The following ABL1 variants were observed in gnomAD, a reference collection of about 807,000 sequenced individuals.
ABL1 encodes tyrosine-protein kinase ABL1.
A neutral mutation model predicts 94.7 loss-of-function variants in ABL1; 11 were observed. The observed-to-expected ratio is 0.12, with a 90% CI of 0.07 to 0.19. The LOEUF is 0.19. Ranked by LOEUF, ABL1 falls within the 10% of genes least tolerant of loss-of-function variation. The pLI, the probability that ABL1 is intolerant of heterozygous loss-of-function variation, is 1.00. For synonymous variants in ABL1, 656 were observed against 622.4 expected, an observed-to-expected ratio of 1.05 and a Z score of -0.80; for missense variants, 1,082 against 1,489.4, an observed-to-expected ratio of 0.73 and a Z score of 4.50.
chr9:130,857,487 A>T (rs1830992910), intron 3 of ABL1, among the ~76,000 whole-genome samples: 1 of 152,184 alleles, frequency 6.6e-6, no homozygotes, highest in Admixed American at 6.5e-5. Context: ...GAAATATACC[A>T]AGTGTATATG....
At chr9:130,864,111 T>G (rs1831118321) in intron 4 of ABL1, among the ~76,000 whole-genome samples, 2 of 152,178 alleles carry the variant, frequency 1.3e-5, no homozygotes, top group South Asian at 4.1e-4. Context: ...GATCACATTC[T>G]TTAGTCCTAG....
intron 1 of ABL1, among the ~76,000 whole-genome samples, chr9:130,762,303 T>C (rs566012111): frequency 6.6e-6 from 1 of 152,330 alleles, no homozygotes; most frequent in South Asian, 2.1e-4. Flanking sequence ...AGGCTGTTTT[T>C]GTTCATTTGC....
chr9:130,720,209 C>A (rs571988265), intron 1 of ABL1, among the ~76,000 whole-genome samples: 71 of 152,220 alleles, frequency 4.7e-4, no homozygotes, highest in African/African-American at 1.6e-3. Flanking sequence ...GGAGACACAT[C>A]ATAAATAAGC....
At chr9:130,848,944 A>G (rs1366808651) in intron 1 of ABL1, among the ~76,000 whole-genome samples, 1 of 150,282 alleles carries the variant, frequency 6.7e-6, no homozygotes, top group Non-Finnish European at 1.5e-5. Flanking sequence ...CGTCTCGAGA[A>G]AAAAAAAAAA....
Position 130,835,893 on chromosome 9 carries a change from C to G in ABL1, c.79+368C>G, listed in dbSNP as rs983155543. On this transcript the variant is annotated intron_variant, in intron 1 of 10. Transcript: ENST00000318560. The surrounding 1 kb of genome is among the most constrained non-coding windows in gnomAD (Gnocchi z 4.6). ...CGTCCGGGGCCCCACAGTGCGGGCT[C>G]CCCCGAAAAAGTTTGAGAAAGCCAA... 2.0e-5 allele frequency among the ~76,000 whole-genome samples: 3 copies of G among 152,214 alleles called. No homozygotes were observed. Among genetic ancestry groups the G allele is most frequent in the Non-Finnish European group, 4.4e-5 (3 of 68,042 alleles).
At chr9:130,713,484 A>G (rs1001287999) in exon 1 of ABL1, among the ~76,000 whole-genome samples, 2 of 145,992 alleles carry the variant, frequency 1.4e-5, no homozygotes, top group Admixed American at 1.4e-4. Context: ...AGCTTCCCTC[A>G]GCCCCAAGCC....
chr9:130,766,485 G>A (rs35315666), intron 1 of ABL1, among the ~76,000 whole-genome samples: 1,532 of 152,290 alleles, frequency 0.01, 19 homozygotes, highest in South Asian at 0.04. Flanking sequence ...AGTGTGCCCC[G>A]TGGTTAGGAA....
At chr9:130,815,770 C>G (rs1428110586) in intron 1 of ABL1, among the ~76,000 whole-genome samples, 1 of 152,112 alleles carries the variant, frequency 6.6e-6, no homozygotes, top group Non-Finnish European at 1.5e-5. Context: ...GCCTGTAATC[C>G]CAGCACTTTG....
intron 1 of ABL1, among the ~76,000 whole-genome samples, chr9:130,768,148 A>G (rs1832207387): frequency 1.3e-5 from 2 of 151,798 alleles, no homozygotes; most frequent in African/African-American, 4.8e-5. Flanking sequence ...CCCAACCCCC[A>G]TACACTCCTA....
chr9:130,855,138 G>T, intron 3 of ABL1, 42 bp downstream of exon 3: 1 of 1,565,292 alleles, frequency 6.4e-7, no homozygotes, highest in South Asian at 1.2e-5. Flanking sequence ...GCCCAGGGCA[G>T]GGGAACCAGA....
At chr9:130,716,831 A>C (rs1293836308) in intron 1 of ABL1, among the ~76,000 whole-genome samples, 1 of 151,728 alleles carries the variant, frequency 6.6e-6, no homozygotes, top group Non-Finnish European at 1.5e-5. Flanking sequence ...GCTCACTGCA[A>C]CCTCTGCCTC....
In ABL1 at chr9:130,763,988, A is replaced by G. The variant is rs185339142; in HGVS notation, c.136+49533A>G. 1.2e-4 allele frequency among the ~76,000 whole-genome samples: 18 copies of G among 152,234 alleles called. No homozygotes were observed. The East Asian group carries it at 2.9e-3, about 25-fold the overall frequency. ...GAACCTAACATAATGGGGGCAGGGA[A>G]CGGGCAGAAGAGGCTTCCCAGAGGA... On this transcript the variant is annotated intron_variant, in intron 1 of 10. Transcript: ENST00000372348.
intron 1 of ABL1, among the ~76,000 whole-genome samples, chr9:130,744,497 A>G (rs1831859815): frequency 6.6e-6 from 1 of 151,658 alleles, no homozygotes. Flanking sequence ...GGGGGAGACC[A>G]AGACTTTGAG....
intron 1 of ABL1, among the ~76,000 whole-genome samples, chr9:130,839,277 G>A (rs1830633963): frequency 6.6e-6 from 1 of 152,104 alleles, no homozygotes; most frequent in Admixed American, 6.6e-5. Flanking sequence ...CTTCTTTTCA[G>A]CAGCTAACTT....
chr9:130,754,328 G>A (rs1316460435), intron 1 of ABL1, among the ~76,000 whole-genome samples: 1 of 151,406 alleles, frequency 6.6e-6, no homozygotes, highest in Non-Finnish European at 1.5e-5. Flanking sequence ...CTAACATGGT[G>A]AAACCCCGTC....
rs1285533213 is a variant in ABL1 at position 130,841,538 on chromosome 9, G to A, written c.79+6013G>A. 3.9e-5 allele frequency among the ~76,000 whole-genome samples: 6 copies of A among 152,188 alleles called. No individual in the cohort carries two copies. In the Middle Eastern group the frequency reaches 0.01, roughly 259 times the overall value. The stretch of plus-strand genomic sequence containing the variant: ...CTAGAAATTGGTTTTCAGGCCGGGC[G>A]CGGTGGCTGACGCCTGTAATCCCAG... On this transcript the variant is annotated intron_variant, in intron 1 of 10. Coordinates refer to ENST00000318560, the MANE Select transcript of ABL1 (RefSeq NM_005157.6).
intron 1 of ABL1, among the ~76,000 whole-genome samples, chr9:130,839,706 C>T (rs1286739886): frequency 6.6e-6 from 1 of 152,218 alleles, no homozygotes; most frequent in Non-Finnish European, 1.5e-5. Flanking sequence ...TCTGTTCAGC[C>T]ACCTTAGAGG....
At chr9:130,720,024 T>C (rs929733812) in intron 1 of ABL1, among the ~76,000 whole-genome samples, 1 of 152,090 alleles carries the variant, frequency 6.6e-6, no homozygotes, top group African/African-American at 2.4e-5. Context: ...TTTGGGAGAG[T>C]TGGTACAACA....
rs1225852016 is a variant in ABL1, at chr9:130,859,672, CTTTCCTTTTTTTT to C, written c.550-3087_550-3075del. Among the ~76,000 whole-genome samples, 321 of 86,574 alleles carry C rather than the reference CTTTCCTTTTTTTT, an allele frequency of 3.7e-3. 3 individuals are homozygous for C. Among genetic ancestry groups the C allele is most frequent in the Non-Finnish European group, 5.4e-3 (235 of 43,272 alleles). 56.8% of individuals were successfully genotyped at this position (86,574 alleles called of 152,430 possible). A position where few individuals can be genotyped will look rare whatever the true frequency, so the allele number is the denominator to read the frequency against. On this transcript the variant is annotated intron_variant, in intron 3 of 10. Transcript: ENST00000318560. ...AAAAGAAACGCTGTTTCTTTTCTTT[CTTTCCTTTTTTTT>C]TTTTTTTTTTTTTTTTTTTTTGAGA...
Sources: gnomAD v4.1 joint callset for allele counts (sites outside exome capture counted in the v4.1 genomes callset) on GRCh38, gnomAD v4.1.1 for gene constraint, Gnocchi (gnomAD v3.1) non-coding constraint, MANE v1.5 for transcripts, NCBI Gene and HGNC (gene_info 2026-07-23, HGNC 2026-07-21) for gene names.